The following TENM2 variants were observed in gnomAD, a reference collection of about 807,000 sequenced individuals.
TENM2 encodes the protein teneurin-2.
A neutral mutation model predicts 245.2 loss-of-function variants in TENM2; 52 were observed. That is an observed-to-expected ratio of 0.21 (90% CI 0.17 to 0.27). The LOEUF is 0.27. Among genes scored for constraint, TENM2 ranks in the 10% least tolerant of loss-of-function variants. The probability of loss-of-function intolerance (pLI) is 1.00; values close to 1 mark genes in which losing one functional copy is unlikely to be tolerated. For missense variants in TENM2, 3,046 were observed against 3,666.8 expected, an observed-to-expected ratio of 0.83 and a Z score of 4.37; for synonymous variants, 1,363 against 1,438.9, an observed-to-expected ratio of 0.95 and a Z score of 1.19.
chr5:167,283,855 G>A (rs901057377), upstream of TENM2, among the ~76,000 whole-genome samples: 2 of 152,196 alleles, frequency 1.3e-5, no homozygotes, highest in African/African-American at 4.8e-5. Flanking sequence ...TGTTTTCTGA[G>A]TGATGTTTGG....
At chr5:167,647,892 G>A (rs1036049895) in intron 2 of TENM2, among the ~76,000 whole-genome samples, 1 of 152,096 alleles carries the variant, frequency 6.6e-6, no homozygotes, top group Non-Finnish European at 1.5e-5. Context: ...TATCTCCTAC[G>A]TTCAATCTTT....
At chr5:167,872,288 G>C (rs1583242194) in intron 2 of TENM2, among the ~76,000 whole-genome samples, 1 of 69,274 alleles carries the variant, frequency 1.4e-5, no homozygotes, top group African/African-American at 5.9e-5. Context: ...AAAAAAGAAA[G>C]AGAAAGATAG....
At chr5:167,323,094 T>A (rs1188181874) in intron 1 of TENM2, among the ~76,000 whole-genome samples, 1 of 152,354 alleles carries the variant, frequency 6.6e-6, no homozygotes, top group Non-Finnish European at 1.5e-5. Context: ...GACCCTCACA[T>A]CATAAAATGT....
chr5:167,212,902 G>A, the TENM2 span, among the ~76,000 whole-genome samples: 1 of 152,110 alleles, frequency 6.6e-6, no homozygotes, highest in African/African-American at 2.4e-5. Context: ...AGTATTGCCG[G>A]TTTTTCTTTT....
At chr5:167,310,629 C>CAA (rs1223643876) in intron 1 of TENM2, among the ~76,000 whole-genome samples, 1 of 151,244 alleles carries the variant, frequency 6.6e-6, no homozygotes, top group Non-Finnish European at 1.5e-5. Flanking sequence ...AAAACAAAAA[C>CAA]AAAAAACAAA....
At chr5:167,993,452 C>T (rs1783820807) in intron 5 of TENM2, among the ~76,000 whole-genome samples, 1 of 152,222 alleles carries the variant, frequency 6.6e-6, no homozygotes, top group Non-Finnish European at 1.5e-5. Context: ...TGAGCTGAGA[C>T]TTTTCATTCC....
rs1384957360 is a variant in TENM2, at chr5:167,635,666, A to G, written c.503-240320A>G. ...TTTTTTTTTTTTTTTTTTTTTTGAG[A>G]CGGAGTCTCGCTCTGTCGCCCAGGA... On this transcript the variant is annotated intron_variant, in intron 2 of 28. Coordinates refer to ENST00000518659, the Ensembl canonical transcript of TENM2. Among the ~76,000 whole-genome samples, 20 of 68,792 alleles carry G rather than the reference A, an allele frequency of 2.9e-4. No individual in the cohort carries two copies. In the Admixed American group the frequency reaches 3.7e-3, roughly 13 times the overall value. 45.1% of individuals were successfully genotyped at this position (68,792 alleles called of 152,430 possible). A position where few individuals can be genotyped will look rare whatever the true frequency, so the allele number is the denominator to read the frequency against.
chr5:168,023,334 C>T (rs567352118), intron 5 of TENM2, among the ~76,000 whole-genome samples: 49 of 152,278 alleles, frequency 3.2e-4, no homozygotes, highest in African/African-American at 1.1e-3. Context: ...CTGGGTAAGC[C>T]GTGATGATTT....
intron 1 of TENM2, among the ~76,000 whole-genome samples, chr5:167,354,058 A>G (rs534780361): frequency 3.0e-4 from 45 of 152,364 alleles, no homozygotes; most frequent in African/African-American, 1.0e-3. Flanking sequence ...CTCTGCTTTC[A>G]GTCTAACTGG....
chr5:167,721,283 TGG>T (rs1759611751), intron 2 of TENM2: 1 of 151,944 alleles, frequency 6.6e-6, no homozygotes, highest in African/African-American at 2.4e-5. Flanking sequence ...TTTTTTGGAG[TGG>T]TTTAATTTTG....
intron 2 of TENM2, among the ~76,000 whole-genome samples, chr5:167,458,754 C>A (rs6555747): frequency 0.44 from 67,186 of 151,790 alleles, 15,343 homozygotes; most frequent in East Asian, 0.67. Flanking sequence ...CCTTACAACA[C>A]CTCTATGAAG....
intron 7 of TENM2, among the ~76,000 whole-genome samples, chr5:168,078,717 T>G (rs1321428674): frequency 2.6e-5 from 4 of 152,206 alleles, no homozygotes; most frequent in Admixed American, 2.6e-4. Flanking sequence ...TTTTGTCAGG[T>G]TTGTCAAAGA....
intron 2 of TENM2, among the ~76,000 whole-genome samples, chr5:167,465,861 C>G (rs187014311): frequency 9.1e-4 from 138 of 151,864 alleles, no homozygotes; most frequent in African/African-American, 3.3e-3. Flanking sequence ...AGAAACATGC[C>G]CAAGGTCACA....
chr5:167,604,798 G>T (rs1489366068), intron 2 of TENM2, among the ~76,000 whole-genome samples: 2 of 152,170 alleles, frequency 1.3e-5, no homozygotes, highest in Non-Finnish European at 2.9e-5. Flanking sequence ...TTGCAGACTA[G>T]TAGGAGGGAA....
At chr5:167,295,954 G>A (rs1482744790) in intron 1 of TENM2, among the ~76,000 whole-genome samples, 1 of 152,072 alleles carries the variant, frequency 6.6e-6, no homozygotes, top group Non-Finnish European at 1.5e-5. Flanking sequence ...AAAAATAAGT[G>A]TAATATAGAC....
chr5:167,736,413 C>A (rs1464968985), intron 2 of TENM2, among the ~76,000 whole-genome samples: 1 of 152,024 alleles, frequency 6.6e-6, no homozygotes, highest in African/African-American at 2.4e-5. Context: ...TGCTTCTAAC[C>A]AAACAGAATT....
intron 2 of TENM2, among the ~76,000 whole-genome samples, chr5:167,615,769 A>G (rs976797378): frequency 4.6e-5 from 7 of 152,132 alleles, no homozygotes; most frequent in African/African-American, 1.7e-4. Context: ...AAGGCAAGCA[A>G]TCACCAATTA....
At chr5:167,276,384 G>T in the TENM2 span, among the ~76,000 whole-genome samples, 1 of 151,314 alleles carries the variant, frequency 6.6e-6, no homozygotes, top group Non-Finnish European at 1.5e-5. Flanking sequence ...GTGTGTGTGT[G>T]TGTGTGTGTG....
chr5:167,375,382 A>G, exon 2 of TENM2: 1 of 1,551,672 alleles, frequency 6.4e-7, no homozygotes, highest in South Asian at 1.2e-5. Flanking sequence ...GAGGGATAAA[A>G]TCCAGGCGCA....
Sources: allele counts gnomAD v4.1 joint callset (sites outside exome capture counted in the v4.1 genomes callset), GRCh38; gene constraint gnomAD v4.1.1; transcripts MANE v1.5; gene names NCBI Gene and HGNC (gene_info 2026-07-23, HGNC 2026-07-21).